CACNA1F: variants seen among roughly 807,000 people sequenced by gnomAD.
The protein encoded by CACNA1F is voltage-dependent L-type calcium channel subunit alpha-1F.
CACNA1F carries 59 observed loss-of-function variants against 143.8 expected under a neutral mutation model. The observed-to-expected ratio is 0.41, with a 90% CI of 0.33 to 0.51. The LOEUF (loss-of-function observed/expected upper bound fraction) is 0.51, where lower values mean the gene tolerates loss of function less well. Among genes scored for constraint, CACNA1F ranks in the 20% least tolerant of loss-of-function variants. The probability of loss-of-function intolerance (pLI) is 0.22; values close to 1 mark genes in which losing one functional copy is unlikely to be tolerated. For missense variants in CACNA1F, 1,411 were observed against 1,647.5 expected (o/e 0.86, Z 2.48); for synonymous variants, 643 against 649.1 (o/e 0.99, Z 0.14).
rs1036944849 is a variant in CACNA1F, at chrX:49,229,952, G to C, written c.817+268C>G. ...GGCGCAGAGTCTTGTCTTAAGTGCG[G>C]GGCACTTGCACTTAAGTCTTAAGTG... On this transcript the variant is annotated intron_variant, in intron 6 of 47. Transcript: ENST00000323022. 3.6e-5 allele frequency among the ~76,000 whole-genome samples: 4 copies of C among 112,444 alleles called. No individual in the cohort carries two copies. The Admixed American group carries it at 3.8e-4, about 11-fold the overall frequency.
intron 1 of CACNA1F, 103 bp from the exon 2 acceptor site, chrX:49,232,030 T>C: frequency 2.3e-6 from 2 of 879,579 alleles, no homozygotes; most frequent in Non-Finnish European, 3.1e-6. Flanking sequence ...GAGAAGAGCA[T>C]GGAAAATTAG....
Position 49,206,939 on chromosome X carries a change from G to A in CACNA1F, c.5231+66C>T, listed in dbSNP as rs182409448. The A allele has an allele frequency of 9.4e-4, 835 of 890,861 alleles. 5 individuals are homozygous for A. The African/African-American group carries it at 0.014, about 15-fold the overall frequency. 73.4% of individuals were successfully genotyped at this position (890,861 alleles called of 1,213,427 possible). A position where few individuals can be genotyped will look rare whatever the true frequency, so the allele number is the denominator to read the frequency against. On this transcript the variant is annotated intron_variant, in intron 44 of 47. Transcript: ENST00000323022. Reference sequence around the variant, plus strand: ...AGATGGGGCACAAACAGTCCTCCCCGACCCAGTTCCCACCCCTCCTCCACC... The same window carrying A: ...AGATGGGGCACAAACAGTCCTCCCCAACCCAGTTCCCACCCCTCCTCCACC...
intron 43 of CACNA1F, among the ~76,000 whole-genome samples, chrX:49,207,620 G>T (rs1204197184): frequency 9.2e-6 from 1 of 108,745 alleles, no homozygotes; most frequent in African/African-American, 3.4e-5. Context: ...TGTATGGACG[G>T]GGTCTCATTA....
chrX:49,231,353 C>T, intron 2 of CACNA1F, 46 bp from the exon 3 acceptor site: 1 of 931,352 alleles, frequency 1.1e-6, no homozygotes, highest in Non-Finnish European at 1.5e-6. Context: ...GCATTGGAAC[C>T]CCCCTACTCC....
At chrX:49,218,312 C>T in intron 24 of CACNA1F, 143 bp downstream of exon 24, 2 of 506,066 alleles carry the variant, frequency 4.0e-6, no homozygotes, top group East Asian at 3.6e-5. Context: ...GGCCACATGG[C>T]TAGTGGTCAG....
At position 49,226,016 on chromosome X, in the gene CACNA1F, A is replaced by G. The variant is rs1557109763; in HGVS notation, c.1544T>C (p.Val515Ala). The change falls in exon 13 of 48, where the codon GTG becomes GCG. Residue 515 changes from valine to alanine, a missense_variant. Transcript: ENST00000323022. The part of the protein sequence containing the change: ...RVLRARCRRA[V>A]KSNACYWAVL... ...AGCCCAGTAGCAGGCATTGGACTTC[A>G]CTGCCCGACGGCAGCGTGCCCGAAG... 1.7e-6 allele frequency: 2 copies of G among 1,186,312 alleles called. No individual in the cohort carries two copies. Among genetic ancestry groups the G allele is most frequent in the Non-Finnish European group, 1.1e-6 (1 of 882,537 alleles).
Position 49,214,239 on chromosome X carries a change from C to T in CACNA1F, c.3628G>A (p.Ala1210Thr). ...AAGACCATGTTGAGGATGTCCATGG[C>T]ATAGTTGAAGGGAGCAGTCTGCTCA... ...HYEQTAPFNY[A>T]MDILNMVFTG... Residue 1210 changes from alanine to threonine, a missense_variant, in exon 30 of 48, where the codon GCC (alanine) becomes ACC (threonine). This residue lies in a region of CACNA1F where 950 missense variants were observed against 1,128.1 expected (regional missense o/e 0.84). Transcript: ENST00000323022. 1 of 1,195,549 alleles carries T rather than the reference C, an allele frequency of 8.4e-7. No individual in the cohort carries two copies. Among genetic ancestry groups the T allele is most frequent in the Non-Finnish European group, 1.1e-6 (1 of 880,547 alleles).
At position 49,231,315 on chromosome X, in the gene CACNA1F, G is replaced by A. The variant is rs1464087483; in HGVS notation, c.276-8C>T. ...ATGAGGATGTCGAAGGGCCTCAGGT[G>A]GACACAGTCAAGGACCCTGGCAGAG... On this transcript the variant is annotated splice_region_variant and splice_polypyrimidine_tract_variant and intron_variant, in intron 2 of 47. Coordinates refer to ENST00000323022, the MANE Select transcript of CACNA1F (RefSeq NM_001256789.3). 2 of 1,117,380 alleles carry A rather than the reference G, an allele frequency of 1.8e-6. No individual in the cohort carries two copies. Among genetic ancestry groups the A allele is most frequent in the Non-Finnish European group, 2.4e-6 (2 of 828,781 alleles). 92.1% of individuals were successfully genotyped at this position (1,117,380 alleles called of 1,213,427 possible).
intron 47 of CACNA1F, 34 bp downstream of exon 47, chrX:49,205,582 C>T: frequency 8.6e-7 from 1 of 1,168,191 alleles, no homozygotes; most frequent in Non-Finnish European, 1.2e-6. Flanking sequence ...CCCTTCTCCC[C>T]CATCCGTCTT....
At position 49,219,625 on chromosome X, in the gene CACNA1F, G is replaced by T; in HGVS notation, c.2543+9C>A. 8.3e-7 allele frequency: 1 copy of T among 1,198,359 alleles called. No individual in the cohort carries two copies. Among genetic ancestry groups the T allele is most frequent in the Non-Finnish European group, 1.1e-6 (1 of 888,683 alleles). Reference sequence around the variant, plus strand: ...TCCTGCCTCACCCCCTGCCACTTCCGGCACTCACGGGTTGGTTTGGCTGAG... The same window carrying T: ...TCCTGCCTCACCCCCTGCCACTTCCTGCACTCACGGGTTGGTTTGGCTGAG... On this transcript the variant is annotated intron_variant, in intron 20 of 47. Transcript: ENST00000323022.
intron 31 of CACNA1F, 49 bp downstream of exon 31, chrX:49,213,770 G>C (rs781904132): frequency 1.1e-6 from 1 of 902,062 alleles, no homozygotes; most frequent in Non-Finnish European, 1.6e-6. Flanking sequence ...ATAGAGGTGA[G>C]GGAAGGTGTA....
rs1557108047 is a variant in CACNA1F at position 49,218,632 on chromosome X, ATGC to A, written c.2834_2836del (p.Gly945_Ile946delinsVal). ...GGGCTGGGGATCTGTCACTTACTGGATGCCAAAGGAGATGAGGGACACACTGAC... is the reference window on the plus strand; with the variant it reads ...GGGCTGGGGATCTGTCACTTACTGGACAAAGGAGATGAGGGACACACTGAC... On this transcript the variant is annotated inframe_deletion, in exon 23 of 48. Coordinates refer to ENST00000323022, the MANE Select transcript of CACNA1F (RefSeq NM_001256789.3). The A allele has an allele frequency of 8.3e-7, 1 of 1,198,669 alleles. No individual in the cohort carries two copies. The highest frequency in any genetic ancestry group is 1.1e-6 in the Non-Finnish European group (1 of 886,440).
In CACNA1F at chrX:49,218,419, G is replaced by T. The variant is rs2065739160; in HGVS notation, c.2928+36C>A. 4.6e-6 allele frequency: 5 copies of T among 1,091,985 alleles called. No homozygotes were observed. The African/African-American group carries it at 5.5e-5, about 12-fold the overall frequency. 90.0% of individuals were successfully genotyped at this position (1,091,985 alleles called of 1,213,427 possible). A position where few individuals can be genotyped will look rare whatever the true frequency, so the allele number is the denominator to read the frequency against. ...ATCCTGGCCCCAGGGGCAGGGCAGG[G>T]CCTGGGTCCTGTGGGTTTGGGTGGG... On this transcript the variant is annotated intron_variant, in intron 24 of 47. Coordinates refer to ENST00000323022, the MANE Select transcript of CACNA1F (RefSeq NM_001256789.3).
At chrX:49,215,268 G>A (rs1439856030) in intron 28 of CACNA1F, 24 bp from the exon 29 acceptor site, 2 of 1,210,482 alleles carry the variant, frequency 1.7e-6, no homozygotes, top group South Asian at 3.5e-5. Flanking sequence ...CAGGGCATGA[G>A]TGAGCAGTGG....
rs781785020 is a variant in CACNA1F at position 49,206,599 on chromosome X, T to C, written c.5384A>G (p.Gln1795Arg). 1.7e-6 allele frequency: 2 copies of C among 1,205,577 alleles called. No homozygotes were observed. The highest frequency in any genetic ancestry group is 3.5e-5 in the African/African-American group (2 of 56,386). ...PAGRKPSFTI[Q>R]CLQRQGSCED... is the part of the protein sequence containing the mutation. ...ACAACTGCCCTGGCGCTGCAGACACTGGATGGTGAAGGAGGGCTTCCGACC... is the reference window on the plus strand; with the variant it reads ...ACAACTGCCCTGGCGCTGCAGACACCGGATGGTGAAGGAGGGCTTCCGACC... The change falls in exon 46 of 48, where the codon CAG becomes CGG. Residue 1795 changes from glutamine (Q) to arginine (R), a missense_variant. Gln to Arg is a conservative substitution (Grantham distance 43). Coordinates refer to ENST00000323022, the MANE Select transcript of CACNA1F (RefSeq NM_001256789.3).
At position 49,212,979 on chromosome X, in the gene CACNA1F, C is replaced by G. The variant is rs1391559071; in HGVS notation, c.3808G>C (p.Gly1270Arg). The G allele has an allele frequency of 2.5e-6, 3 of 1,201,960 alleles. No homozygotes were observed. The highest frequency in any genetic ancestry group is 2.2e-6 in the Non-Finnish European group (2 of 890,412). ...VTEVNNGGHL[G>R]ESSEDSSRIS... is the part of the protein sequence containing the mutation. ...CTGTTATTAGGGTGGGCTACCTCGC[C>G]AAGGTGGCCACCATTCTGGAGGGAG... The change falls in exon 32 of 48, where the codon GGC (glycine) becomes CGC (arginine). Residue 1270 changes from glycine to arginine, a missense_variant. Coordinates refer to ENST00000323022, the MANE Select transcript of CACNA1F (RefSeq NM_001256789.3).
At chrX:49,205,417 A>G (rs1189178615) in intron 47 of CACNA1F, 50 bp from the exon 48 acceptor site, 1 of 971,990 alleles carries the variant, frequency 1.0e-6, no homozygotes, top group African/African-American at 1.9e-5. Context: ...GTGTGCACAG[A>G]AGGTTCAGTG....
chrX:49,209,864 A>C, intron 40 of CACNA1F, 77 bp downstream of exon 40: 2 of 1,141,268 alleles, frequency 1.8e-6, no homozygotes, highest in Non-Finnish European at 2.4e-6. Context: ...CCCTCTGCCC[A>C]GCGCTGGTTT....
intron 17 of CACNA1F, chrX:49,222,157 C>T: frequency 6.2e-6 from 1 of 160,557 alleles, no homozygotes; most frequent in Non-Finnish European, 1.2e-5. Flanking sequence ...GACCTTAACC[C>T]CAAAGAGCAA....
Sources: allele counts gnomAD v4.1 joint callset (sites outside exome capture counted in the v4.1 genomes callset), GRCh38; gene constraint gnomAD v4.1.1; regional missense constraint gnomAD v4.1.1; transcripts MANE v1.5; gene names NCBI Gene and HGNC (gene_info 2026-07-23, HGNC 2026-07-21).